The following SPATA7 variants were observed in gnomAD, a reference collection of about 807,000 sequenced individuals.
SPATA7 encodes spermatogenesis associated 7.
SPATA7 carries 43 observed loss-of-function variants against 51.8 expected under a neutral mutation model. That is an observed-to-expected ratio of 0.83 (90% CI 0.65 to 1.07). The LOEUF (loss-of-function observed/expected upper bound fraction) is 1.07, where lower values mean the gene tolerates loss of function less well. Among genes scored for constraint, SPATA7 ranks in the 50% least tolerant of loss-of-function variants. The pLI is 0.00. For missense variants in SPATA7, 683 were observed against 701.3 expected (o/e 0.97, Z 0.30); for synonymous variants, 230 against 252.8 (o/e 0.91, Z 0.86).
intron 8 of SPATA7, among the ~76,000 whole-genome samples, chr14:88,430,901 T>C (rs1341255444): frequency 1.3e-5 from 2 of 152,090 alleles, no homozygotes; most frequent in African/African-American, 4.8e-5. Context: ...CATCCCAAAT[T>C]TGAAAATCTG....
chr14:88,388,044 A>G (rs947615629), intron 1 of SPATA7, among the ~76,000 whole-genome samples: 11 of 152,124 alleles, frequency 7.2e-5, no homozygotes, highest in Non-Finnish European at 1.0e-4. Context: ...CCACCAAAAA[A>G]TACAAAAATT....
At position 88,427,625 on chromosome 14, in the gene SPATA7, T is replaced by C; in HGVS notation, c.846-5T>C. ...TTAACAATTATTTATTTTAAATTAT[T>C]ACAGCTTTAAATCTGAGTTGGGGAC... On this transcript the variant is annotated splice_polypyrimidine_tract_variant and splice_region_variant and intron_variant, in intron 6 of 11. Transcript: ENST00000393545. The C allele has an allele frequency of 6.3e-7, 1 of 1,589,828 alleles. No homozygotes were observed. The highest frequency in any genetic ancestry group is 8.6e-7 in the Non-Finnish European group (1 of 1,160,364).
Position 88,426,651 on chromosome 14 carries a change from A to T in SPATA7, c.792A>T (p.Arg264Ser), listed in dbSNP as rs746467745. Residue 264 changes from arginine (R) to serine (S), a missense_variant, in exon 6 of 12, where the codon AGA (arginine) becomes AGT (serine). Coordinates refer to ENST00000393545, the MANE Select transcript of SPATA7 (RefSeq NM_018418.5). ...SQYRYYTPAK[R>S]KKDFTDQRIE... ...ATCGCTATTATACACCTGCCAAAAGAAAAAAGGATTTTACAGATCAACGGA... is the reference window on the plus strand; with the variant it reads ...ATCGCTATTATACACCTGCCAAAAGTAAAAAGGATTTTACAGATCAACGGA... 6.2e-7 allele frequency: 1 copy of T among 1,613,994 alleles called. No individual in the cohort carries two copies. The highest frequency in any genetic ancestry group is 2.2e-5 in the East Asian group (1 of 44,884).
At chr14:88,416,912 C>A in intron 5 of SPATA7, 68 bp downstream of exon 5, 1 of 1,387,724 alleles carries the variant, frequency 7.2e-7, no homozygotes, top group Non-Finnish European at 1.0e-6. Context: ...TACAATCTGA[C>A]TTTGTTTACT....
chr14:88,469,721 C>A lies in SPATA7; in HGVS notation c.255-126C>A. On this transcript the variant is annotated intron_variant, in intron 4 of 4. Coordinates refer to the SPATA7 transcript ENST00000556406. The surrounding 1 kb of genome is among the most constrained non-coding windows in gnomAD (Gnocchi z 4.3). Reference sequence around the variant, plus strand: ...CGTGGCCAGTACCTAAAGCTCTTCTCCCTTCCACCCTCCTGTTAAAGATGA... The same window carrying A: ...CGTGGCCAGTACCTAAAGCTCTTCTACCTTCCACCCTCCTGTTAAAGATGA... 1 of 1,614,140 alleles carries A rather than the reference C, an allele frequency of 6.2e-7. No homozygotes were observed. Among genetic ancestry groups the A allele is most frequent in the South Asian group, 1.1e-5 (1 of 91,064 alleles).
Position 88,438,329 on chromosome 14 carries a change from C to G in SPATA7, c.1707C>G (p.Phe569Leu), listed in dbSNP as rs201347745. Reference protein sequence around the residue: ...LNTSPSQSVQFSSVKGDNNHD... With the variant: ...LNTSPSQSVQLSSVKGDNNHD... ...CATCACCCTCCCAATCTGTTCAGTT[C>G]TCCAGTGTCAAAGGCGACAATAATC... The change falls in exon 12 of 12, where the codon TTC becomes TTG. Residue 569 changes from phenylalanine to leucine, a missense_variant. By Grantham distance (22) the Phe-to-Leu change is conservative. Transcript: ENST00000393545. 8 of 1,613,900 alleles carry G rather than the reference C, an allele frequency of 5.0e-6. No individual in the cohort carries two copies. In the East Asian group the frequency reaches 1.6e-4, roughly 31 times the overall value.
At chr14:88,441,250 A>C (rs1215377507), downstream of SPATA7, among the ~76,000 whole-genome samples, 1 of 151,968 alleles carries the variant, frequency 6.6e-6, no homozygotes, top group Non-Finnish European at 1.5e-5. Context: ...TTGTTGATCG[A>C]TGGGCATATG....
intron 4 of SPATA7, chr14:88,468,180 T>C (rs764571520): frequency 1.2e-6 from 2 of 1,613,508 alleles, no homozygotes; most frequent in Non-Finnish European, 1.7e-6. Context: ...GAGGACTCTG[T>C]ACACAAATGT....
At chr14:88,438,791 T>C (rs2077157991), downstream of SPATA7, among the ~76,000 whole-genome samples, 1 of 152,246 alleles carries the variant, frequency 6.6e-6, no homozygotes, top group Admixed American at 6.5e-5. Context: ...CTCTGCCACT[T>C]GGCCCTTTCC....
chr14:88,426,667 G>A lies in SPATA7; in HGVS notation c.808G>A (p.Asp270Asn), dbSNP rs923955933. 6.2e-7 allele frequency: 1 copy of A among 1,613,574 alleles called. No homozygotes were observed. The highest frequency in any genetic ancestry group is 8.5e-7 in the Non-Finnish European group (1 of 1,180,010). Residue 270 changes from aspartate to asparagine, a missense_variant, in exon 6 of 12, where the codon GAT (aspartate) becomes AAT (asparagine). Asp to Asn is a conservative substitution (Grantham distance 23, BLOSUM62 1). Coordinates refer to ENST00000393545, the MANE Select transcript of SPATA7 (RefSeq NM_018418.5). ...TGCCAAAAGAAAAAAGGATTTTACAGATCAACGGATAGAAGCTGAAACCCA... is the reference window on the plus strand; with the variant it reads ...TGCCAAAAGAAAAAAGGATTTTACAAATCAACGGATAGAAGCTGAAACCCA... ...TPAKRKKDFTDQRIEAETQTE... is the reference protein window; with the variant it reads ...TPAKRKKDFTNQRIEAETQTE...
At chr14:88,459,076 G>A (rs2077301748), downstream of SPATA7, among the ~76,000 whole-genome samples, 1 of 152,168 alleles carries the variant, frequency 6.6e-6, no homozygotes, top group Admixed American at 6.5e-5. Flanking sequence ...ATTGCACTGT[G>A]GTCTGAGAGA....
intron 2 of SPATA7, chr14:88,391,671 G>A: frequency 6.5e-6 from 4 of 615,146 alleles, no homozygotes; most frequent in African/African-American, 1.8e-5. Context: ...GGACTTGGCT[G>A]TCTCCTGCTC....
Position 88,469,027 on chromosome 14 carries a change from A to G in SPATA7, c.255-820A>G, listed in dbSNP as rs768122480. 6.2e-7 allele frequency: 1 copy of G among 1,614,192 alleles called. No individual in the cohort carries two copies. The highest frequency in any genetic ancestry group is 8.5e-7 in the Non-Finnish European group (1 of 1,180,024). On this transcript the variant is annotated intron_variant, in intron 4 of 4. Coordinates refer to the SPATA7 transcript ENST00000556406. The surrounding 1 kb of genome is among the most constrained non-coding windows in gnomAD (Gnocchi z 4.3). ...ACGGAGGGTTGGGGCTTTGGGGATC[A>G]CTTGTGCTATTTGTATGGCGTCGAA...
chr14:88,467,252 T>C (rs2077379148), intron 4 of SPATA7: 2 of 152,336 alleles, frequency 1.3e-5, no homozygotes, highest in Admixed American at 1.3e-4. Context: ...GCAACACATA[T>C]ATTAAAACTC....
chr14:88,404,345 A>G (rs2076147313), intron 4 of SPATA7, among the ~76,000 whole-genome samples: 1 of 152,182 alleles, frequency 6.6e-6, no homozygotes, highest in Non-Finnish European at 1.5e-5. Flanking sequence ...AAATTAACCT[A>G]CATATATATG....
At chr14:88,412,524 C>A (rs35630493) in intron 4 of SPATA7, among the ~76,000 whole-genome samples, 5,856 of 152,168 alleles carry the variant, frequency 0.038, 186 homozygotes, top group Non-Finnish European at 0.059. Context: ...TGTTCGCTCG[C>A]AGCTGATTAG....
intron 4 of SPATA7, among the ~76,000 whole-genome samples, chr14:88,402,959 CAAAA>C (rs56330042): frequency 1.5e-4 from 9 of 62,028 alleles, no homozygotes; most frequent in African/African-American, 3.5e-4. Flanking sequence ...AACTCAATAG[CAAAA>C]AAAAAAAAAA....
chr14:88,399,989 C>T (rs953809823), intron 4 of SPATA7, among the ~76,000 whole-genome samples: 2 of 152,154 alleles, frequency 1.3e-5, no homozygotes, highest in Non-Finnish European at 2.9e-5. Context: ...AGGAATTTAA[C>T]AGATATATAC....
At chr14:88,459,093 GTTATAATTTCTGTTCTTTTACAT>G (rs1485780063), downstream of SPATA7, among the ~76,000 whole-genome samples, 1 of 152,192 alleles carries the variant, frequency 6.6e-6, no homozygotes, top group Non-Finnish European at 1.5e-5. Context: ...GAGACAGTTT[GTTATAATTTCTGTTCTTTTACAT>G]TTGCTGAGGA....
Sources: gnomAD v4.1 joint callset for allele counts (sites outside exome capture counted in the v4.1 genomes callset) on GRCh38, gnomAD v4.1.1 for gene constraint, Gnocchi (gnomAD v3.1) non-coding constraint, MANE v1.5 for transcripts, NCBI Gene and HGNC (gene_info 2026-07-23, HGNC 2026-07-21) for gene names.